BRD1: variants seen among roughly 807,000 people sequenced by gnomAD.
BRD1 encodes bromodomain-containing protein 1.
A neutral mutation model predicts 107.7 loss-of-function variants in BRD1; 24 were observed. That is an observed-to-expected ratio of 0.22 (90% confidence interval 0.16 to 0.31). The LOEUF is 0.31. Among genes scored for constraint, BRD1 ranks in the 10% least tolerant of loss-of-function variants. BRD1 has a pLI of 1.00. For missense variants in BRD1, 1,279 were observed against 1,638.6 expected (o/e 0.78, Z 3.79); for synonymous variants, 744 against 686.1 (o/e 1.08, Z -1.32).
intron 2 of BRD1, among the ~76,000 whole-genome samples, chr22:49,814,090 G>A (rs914333502): frequency 2.2e-4 from 34 of 152,184 alleles, no homozygotes; most frequent in African/African-American, 7.5e-4. Context: ...CAAAACAATG[G>A]AATGGAAGGA....
intron 1 of BRD1, among the ~76,000 whole-genome samples, chr22:49,825,399 T>C (rs555285333): frequency 1.3e-5 from 2 of 151,986 alleles, no homozygotes; most frequent in African/African-American, 4.8e-5. Context: ...TTTCCAGAGG[T>C]AGGCAAAACC....
At chr22:49,826,023 A>T (rs1601760442) in intron 1 of BRD1, 1 of 270,324 alleles carries the variant, frequency 3.7e-6, no homozygotes, top group South Asian at 1.4e-4. Flanking sequence ...CAGCACAGCC[A>T]CCCCCCAGCC....
intron 2 of BRD1, among the ~76,000 whole-genome samples, chr22:49,814,399 C>T (rs2059911496): frequency 6.6e-6 from 1 of 152,162 alleles, no homozygotes; most frequent in South Asian, 2.1e-4. Context: ...GACCAGCCGG[C>T]CAGAGCCCTG....
intron 7 of BRD1, among the ~76,000 whole-genome samples, chr22:49,789,831 C>T (rs2059399053): frequency 6.6e-6 from 1 of 152,228 alleles, no homozygotes; most frequent in African/African-American, 2.4e-5. Flanking sequence ...AGGCCCTCCC[C>T]AACCATGGTC....
intron 2 of BRD1, among the ~76,000 whole-genome samples, chr22:49,811,457 G>A (rs1447648721): frequency 6.6e-6 from 1 of 152,172 alleles, no homozygotes; most frequent in Non-Finnish European, 1.5e-5. Context: ...ACCTCCAGCG[G>A]CTGCCTGAAA....
rs112263552 is a variant in BRD1, at chr22:49,778,412, G to C, written c.2858-599C>G. On this transcript the variant is annotated intron_variant, in intron 8 of 12. Transcript: ENST00000404760. ...CCATCGCCGTGTCTGAGTGTGTCTG[G>C]CCTCACTCACCATGAAGCTGCAAGT... Among the ~76,000 whole-genome samples the C allele has an allele frequency of 1.6e-3, 250 of 152,336 alleles. 2 individuals are homozygous for C. The highest frequency in any genetic ancestry group is 5.4e-3 in the African/African-American group (226 of 41,564).
intron 7 of BRD1, among the ~76,000 whole-genome samples, chr22:49,790,034 G>A (rs967376549): frequency 2.3e-4 from 35 of 152,302 alleles, no homozygotes; most frequent in Non-Finnish European, 5.9e-5. Flanking sequence ...CATGCAGGCC[G>A]GGCTCCAGCC....
In BRD1 at chr22:49,777,628, G is replaced by A. The variant is rs530266176; in HGVS notation, c.2993+50C>T. The A allele has an allele frequency of 3.0e-5, 47 of 1,578,866 alleles. No homozygotes were observed. In the East Asian group the frequency reaches 5.0e-4, roughly 17 times the overall value. On this transcript the variant is annotated intron_variant, in intron 9 of 12. Transcript: ENST00000404760. ...GGCTTCCAGGACAGCCAGGCGGGGC[G>A]GGCGGTGCTGGGAGCTGCGTGGTGG...
chr22:49,820,578 C>T (rs189978318), intron 2 of BRD1, among the ~76,000 whole-genome samples: 46 of 152,304 alleles, frequency 3.0e-4, no homozygotes, highest in South Asian at 1.9e-3. Flanking sequence ...TGCACTCCAA[C>T]GTGGGCAACA....
intron 8 of BRD1, among the ~76,000 whole-genome samples, chr22:49,785,172 G>A (rs996565782): frequency 2.0e-5 from 3 of 152,264 alleles, no homozygotes; most frequent in Non-Finnish European, 4.4e-5. Flanking sequence ...ACGAGCCTGA[G>A]AGGTTGCTGA....
At chr22:49,779,543 AG>A (rs1469405655) in intron 8 of BRD1, among the ~76,000 whole-genome samples, 1 of 152,194 alleles carries the variant, frequency 6.6e-6, no homozygotes, top group African/African-American at 2.4e-5. Context: ...ATTTTAAGGC[AG>A]GAACTGTGGC....
intron 7 of BRD1, among the ~76,000 whole-genome samples, chr22:49,789,569 A>G (rs2059393797): frequency 6.6e-6 from 1 of 151,692 alleles, no homozygotes; most frequent in African/African-American, 2.4e-5. Flanking sequence ...TGCAGGGCCA[A>G]GGCCAGTGGT....
rs1338715250 is a variant in BRD1, at chr22:49,827,821, C to T, written c.-339G>A. Among the ~76,000 whole-genome samples, 1 of 144,718 alleles carries T rather than the reference C, an allele frequency of 6.9e-6. No individual in the cohort carries two copies. Among genetic ancestry groups the T allele is most frequent in the Non-Finnish European group, 1.5e-5 (1 of 65,558 alleles). The allele number at this position is 144,718 out of a possible 152,430, so 94.9% of individuals were successfully genotyped here. A position where few individuals can be genotyped will look rare whatever the true frequency, so the allele number is the denominator to read the frequency against. ...CGGCGGGCGCGGGACGCGGGGCTGG[C>T]TCGGACTCCAGGGCCGGGTCGCTCG... On this transcript the variant is annotated 5_prime_UTR_variant, in exon 1 of 13. Transcript: ENST00000404760.
At chr22:49,796,185 G>T (rs1008618010) in intron 6 of BRD1, among the ~76,000 whole-genome samples, 5 of 151,770 alleles carry the variant, frequency 3.3e-5, no homozygotes, top group African/African-American at 1.2e-4. Flanking sequence ...CCGCCTCCCG[G>T]ATTCACGCCA....
At position 49,824,233 on chromosome 22, in the gene BRD1, C is replaced by T. The variant is rs955396883; in HGVS notation, c.85G>A (p.Glu29Lys). ...PCSVKHSPTR[E>K]TLTYAQAQRM... ...TGAGCTTGAGCGTAGGTCAGCGTTTCTCGCGTAGGGGAGTGTTTAACACTG... is the reference window on the plus strand; with the variant it reads ...TGAGCTTGAGCGTAGGTCAGCGTTTTTCGCGTAGGGGAGTGTTTAACACTG... Residue 29 changes from glutamate (E) to lysine (K), a missense_variant, in exon 2 of 13, where the codon GAA (glutamate) becomes AAA (lysine). Transcript: ENST00000404760. This position sits in a 1 kb window ranked among gnomAD's most constrained non-coding sequence, Gnocchi z 5.9. 12 of 1,614,006 alleles carry T rather than the reference C, an allele frequency of 7.4e-6. No individual in the cohort carries two copies. The highest frequency in any genetic ancestry group is 3.3e-4 in the Middle Eastern group (2 of 6,062).
chr22:49,815,522 G>A (rs898794188), intron 2 of BRD1, among the ~76,000 whole-genome samples: 5 of 150,768 alleles, frequency 3.3e-5, no homozygotes, highest in Admixed American at 2.0e-4. Context: ...CAGCCTGGGC[G>A]ACACAGCAAG....
chr22:49,787,583 C>T lies in BRD1; in HGVS notation c.2664G>A (p.Ser888=), dbSNP rs1343963442. 6.4e-7 allele frequency: 1 copy of T among 1,565,618 alleles called. No homozygotes were observed. The highest frequency in any genetic ancestry group is 1.7e-4 in the Middle Eastern group (1 of 6,006). Reference sequence around the variant, plus strand: ...CAGACTTTGGGGGGCTTACACTTTTCGATTTGCAGAAGAGAACAGAAGTGC... The same window carrying T: ...CAGACTTTGGGGGGCTTACACTTTTTGATTTGCAGAAGAGAACAGAAGTGC... ...NRRTSVLFCK[S]KSVSPPKSAK... is the part of the protein sequence containing the mutation. Residue 888 remains serine, a synonymous_variant, in exon 8 of 13, where the codon TCG becomes TCA. Transcript: ENST00000404760.
rs371504956 is a variant in BRD1 at position 49,823,721 on chromosome 22, G to A, written c.597C>T (p.Cys199=). 16 of 1,613,864 alleles carry A rather than the reference G, an allele frequency of 9.9e-6. No homozygotes were observed. In the African/African-American group the frequency reaches 1.3e-4, roughly 13 times the overall value. ...GCTGCTCGCCCTGCTTCTGGTTCTCGCAGTGCGACTCCTTCTCGAAGCGGT... is the reference window on the plus strand; with the variant it reads ...GCTGCTCGCCCTGCTTCTGGTTCTCACAGTGCGACTCCTTCTCGAAGCGGT... The part of the protein sequence containing the change: ...LMDRFEKESH[C]ENQKQGEQQS... The change falls in exon 2 of 13, where the codon TGC becomes TGT. Residue 199 remains cysteine, a synonymous_variant. Coordinates refer to ENST00000404760, the MANE Select transcript of BRD1 (RefSeq NM_001304808.3).
chr22:49,777,709 A>T lies in BRD1; in HGVS notation c.2962T>A (p.Ser988Thr). 1 of 1,608,556 alleles carries T rather than the reference A, an allele frequency of 6.2e-7. No individual in the cohort carries two copies. The highest frequency in any genetic ancestry group is 1.1e-5 in the South Asian group (1 of 90,116). The change falls in exon 9 of 13, where the codon TCC becomes ACC. Residue 988 changes from serine to threonine, a missense_variant. This residue lies in a region of BRD1 where 263 missense variants were observed against 251.6 expected (regional missense o/e 1.05). Coordinates refer to ENST00000404760, the MANE Select transcript of BRD1 (RefSeq NM_001304808.3). Reference sequence around the variant, plus strand: ...TCGCAGAGCGGGCTGTTGCTGGAGGAGATGCTGGACTCGGAGGCACAGCGT... The same window carrying T: ...TCGCAGAGCGGGCTGTTGCTGGAGGTGATGCTGGACTCGGAGGCACAGCGT... ...RRRCASESSISSSNSPLCDSS... is the reference protein window; with the variant it reads ...RRRCASESSITSSNSPLCDSS...
Sources: gnomAD v4.1 joint callset for allele counts (sites outside exome capture counted in the v4.1 genomes callset) on GRCh38, gnomAD v4.1.1 for gene constraint, gnomAD v4.1.1 regional missense constraint, Gnocchi (gnomAD v3.1) non-coding constraint, MANE v1.5 for transcripts, NCBI Gene and HGNC (gene_info 2026-07-23, HGNC 2026-07-21) for gene names.